The following LMBRD1 variants were observed in gnomAD, a reference collection of about 807,000 sequenced individuals.
LMBRD1 encodes LMBR1 domain containing 1, also known as lysosomal cobalamin transport escort protein LMBD1.
Under a neutral mutation model 74.8 loss-of-function variants are expected in LMBRD1, and 64 were observed. The observed-to-expected ratio is 0.86, with a 90% CI of 0.70 to 1.05. The LOEUF (loss-of-function observed/expected upper bound fraction) is 1.05. LMBRD1 is among the 50% of genes least tolerant of loss of function. The pLI, the probability that LMBRD1 is intolerant of heterozygous loss-of-function variation, is 0.00. For synonymous variants in LMBRD1, 204 were observed against 216.3 expected, an observed-to-expected ratio of 0.94 and a Z score of 0.50; for missense variants, 652 against 645.9, an observed-to-expected ratio of 1.01 and a Z score of -0.10.
chr6:69,772,150 T>C (rs375633783), intron 3 of LMBRD1, among the ~76,000 whole-genome samples: 2 of 152,128 alleles, frequency 1.3e-5, no homozygotes, highest in South Asian at 2.1e-4. Context: ...GGACATAGGA[T>C]TGTGAAGTTC....
At chr6:69,761,714 GT>G (rs1582134964) in intron 3 of LMBRD1, among the ~76,000 whole-genome samples, 1 of 152,060 alleles carries the variant, frequency 6.6e-6, no homozygotes, top group East Asian at 1.9e-4. Flanking sequence ...AATTTATAAA[GT>G]TCTATAGCCA....
At chr6:69,790,715 A>G (rs1766062901) in intron 1 of LMBRD1, 2 of 488,656 alleles carry the variant, frequency 4.1e-6, no homozygotes, top group Non-Finnish European at 3.7e-6. Context: ...GCTCAGCTAC[A>G]TATTTCCTCA....
chr6:69,746,703 C>G (rs1767240709), intron 5 of LMBRD1: 1 of 152,608 alleles, frequency 6.6e-6, no homozygotes, highest in South Asian at 2.1e-4. Context: ...TCCAACTTTA[C>G]TAGTGATACT....
At chr6:69,775,385 A>C (rs1765678906) in intron 3 of LMBRD1, among the ~76,000 whole-genome samples, 1 of 152,204 alleles carries the variant, frequency 6.6e-6, no homozygotes, top group South Asian at 2.1e-4. Context: ...ATCCTTAAAA[A>C]TGTGGTTTCC....
intron 8 of LMBRD1, among the ~76,000 whole-genome samples, chr6:69,714,380 G>A (rs567624772): frequency 4.6e-5 from 7 of 152,104 alleles, no homozygotes; most frequent in African/African-American, 1.7e-4. Context: ...CAACCTATCT[G>A]ACAGATAATT....
At position 69,769,708 on chromosome 6, in the gene LMBRD1, T is replaced by C. The variant is rs973330288; in HGVS notation, c.307+10786A>G. Reference sequence around the variant, plus strand: ...CTGTTTTCCACAAGTGTGCAACTGCTGATGTGTCTATTTTTTTTAACGATT... The same window carrying C: ...CTGTTTTCCACAAGTGTGCAACTGCCGATGTGTCTATTTTTTTTAACGATT... On this transcript the variant is annotated intron_variant, in intron 3 of 15. Coordinates refer to ENST00000649934, the MANE Select transcript of LMBRD1 (RefSeq NM_018368.4). Among the ~76,000 whole-genome samples, 4 of 151,398 alleles carry C rather than the reference T, an allele frequency of 2.6e-5. No homozygotes were observed. The East Asian group carries it at 5.9e-4, about 22-fold the overall frequency.
At chr6:69,749,282 T>G in intron 5 of LMBRD1, 59 bp downstream of exon 5, 1 of 1,317,414 alleles carries the variant, frequency 7.6e-7, no homozygotes, top group Non-Finnish European at 1.1e-6. Flanking sequence ...CCTTTTATTT[T>G]TTTTTTCAAA....
chr6:69,703,021 G>A (rs570327806), intron 9 of LMBRD1, among the ~76,000 whole-genome samples: 1 of 152,130 alleles, frequency 6.6e-6, no homozygotes, highest in East Asian at 1.9e-4. Context: ...TGCCTTTGGG[G>A]CTCACTGGGA....
chr6:69,783,868 AT>A (rs1176434896), intron 2 of LMBRD1, among the ~76,000 whole-genome samples: 4 of 152,322 alleles, frequency 2.6e-5, no homozygotes, highest in East Asian at 1.9e-4. Flanking sequence ...TCAAAAAAAA[AT>A]ATTAAAAATA....
chr6:69,680,049 A>G (rs1765629188), intron 14 of LMBRD1, among the ~76,000 whole-genome samples: 1 of 152,132 alleles, frequency 6.6e-6, no homozygotes, highest in Non-Finnish European at 1.5e-5. Context: ...TTCTGTCTCT[A>G]CAGTTGAAAC....
chr6:69,716,240 G>GT, intron 8 of LMBRD1, among the ~76,000 whole-genome samples: 1 of 152,282 alleles, frequency 6.6e-6, no homozygotes, highest in African/African-American at 2.4e-5. Flanking sequence ...TACCAACAGT[G>GT]TTTAAGCCTT....
intron 9 of LMBRD1, among the ~76,000 whole-genome samples, chr6:69,712,002 G>A (rs1320756164): frequency 2.6e-5 from 4 of 152,044 alleles, no homozygotes; most frequent in Non-Finnish European, 5.9e-5. Flanking sequence ...TCCACCCTCT[G>A]AAAGGCCCCA....
chr6:69,796,352 G>A (rs1191047582), intron 1 of LMBRD1, among the ~76,000 whole-genome samples: 1 of 152,172 alleles, frequency 6.6e-6, no homozygotes, highest in Non-Finnish European at 1.5e-5. Flanking sequence ...AGCCCCAAGG[G>A]TAGGGAAAAT....
intron 4 of LMBRD1, 145 bp downstream of exon 4, chr6:69,752,114 T>G (rs745573585): frequency 8.9e-5 from 63 of 707,488 alleles, no homozygotes; most frequent in Non-Finnish European, 1.3e-4. Flanking sequence ...TAATTTCAAC[T>G]GTTTCTTTTT....
intron 5 of LMBRD1, among the ~76,000 whole-genome samples, chr6:69,743,721 C>G (rs1444821951): frequency 6.6e-6 from 1 of 152,140 alleles, no homozygotes; most frequent in East Asian, 1.9e-4. Context: ...TTCACATAAA[C>G]TAAGAAAATA....
chr6:69,780,417 G>T (rs963706404), intron 3 of LMBRD1, 77 bp downstream of exon 3: 3 of 1,048,696 alleles, frequency 2.9e-6, no homozygotes, highest in Non-Finnish European at 4.5e-6. Flanking sequence ...GAAGAACCTG[G>T]GGTTCTCCAC....
In LMBRD1 at chr6:69,790,567, G is replaced by C. The variant is rs184424934; in HGVS notation, c.70-95C>G. On this transcript the variant is annotated intron_variant, in intron 1 of 15. Coordinates refer to ENST00000649934, the MANE Select transcript of LMBRD1 (RefSeq NM_018368.4). Reference sequence around the variant, plus strand: ...AAGTTTCTAGCAGGAAACCTTATGTGAAGTAAAGGTTATTTTAGTTGTGTA... The same window carrying C: ...AAGTTTCTAGCAGGAAACCTTATGTCAAGTAAAGGTTATTTTAGTTGTGTA... 1.9e-4 allele frequency: 227 copies of C among 1,226,952 alleles called. No individual in the cohort carries two copies. The East Asian group carries it at 5.0e-3, about 27-fold the overall frequency. 76.0% of individuals were successfully genotyped at this position (1,226,952 alleles called of 1,614,324 possible).
chr6:69,750,325 C>T (rs953615302), intron 4 of LMBRD1, among the ~76,000 whole-genome samples: 1 of 151,620 alleles, frequency 6.6e-6, no homozygotes, highest in Non-Finnish European at 1.5e-5. Context: ...TGTCCTAAGG[C>T]ACATAGGTCA....
chr6:69,719,724 ACATAAC>A (rs1462790547), intron 7 of LMBRD1, among the ~76,000 whole-genome samples: 2 of 152,214 alleles, frequency 1.3e-5, no homozygotes, highest in Non-Finnish European at 2.9e-5. Flanking sequence ...GGCATCTGCT[ACATAAC>A]CATTATTCAG....
Sources: gnomAD v4.1 joint callset for allele counts (sites outside exome capture counted in the v4.1 genomes callset) on GRCh38, gnomAD v4.1.1 for gene constraint, MANE v1.5 for transcripts, NCBI Gene and HGNC (gene_info 2026-07-23, HGNC 2026-07-21) for gene names.